The following STEAP1B variants were observed in gnomAD, a reference collection of about 807,000 sequenced individuals.
The protein encoded by STEAP1B is STEAP family member 1B.
Under a neutral mutation model 27.9 loss-of-function variants are expected in STEAP1B, and 13 were observed. That is an observed-to-expected ratio of 0.47 (90% confidence interval 0.30 to 0.74). STEAP1B has a LOEUF of 0.74. STEAP1B is among the 30% of genes least tolerant of loss of function. STEAP1B has a pLI of 0.06. For missense variants in STEAP1B, 250 were observed against 298.7 expected (o/e 0.84, Z 1.20); for synonymous variants, 86 against 107.1 (o/e 0.80, Z 1.22).
chr7:22,438,046 A>C (rs1785276623), intron 4 of STEAP1B, among the ~76,000 whole-genome samples: 1 of 152,082 alleles, frequency 6.6e-6, no homozygotes, highest in Non-Finnish European at 1.5e-5. Flanking sequence ...ACTTTCTTCC[A>C]TTCCATAGGT....
chr7:22,484,668 T>G (rs1000917681), intron 4 of STEAP1B, among the ~76,000 whole-genome samples: 7 of 152,206 alleles, frequency 4.6e-5, no homozygotes, highest in African/African-American at 1.7e-4. Context: ...TGAAGTATAT[T>G]TTATAAGGCC....
At chr7:22,441,280 T>C (rs949108483) in intron 4 of STEAP1B, among the ~76,000 whole-genome samples, 4 of 152,178 alleles carry the variant, frequency 2.6e-5, no homozygotes, top group Non-Finnish European at 5.9e-5. Flanking sequence ...TGTGTCAGAT[T>C]GTTTATGCAT....
At chr7:22,439,075 C>A (rs568567465) in intron 4 of STEAP1B, among the ~76,000 whole-genome samples, 1 of 152,152 alleles carries the variant, frequency 6.6e-6, no homozygotes, top group Non-Finnish European at 1.5e-5. Context: ...CATGGGGGGT[C>A]CTGGTGATAT....
intron 3 of STEAP1B, among the ~76,000 whole-genome samples, 198 bp from the exon 4 acceptor site, chr7:22,492,927 C>T (rs1239902678): frequency 6.6e-6 from 1 of 151,872 alleles, no homozygotes; most frequent in African/African-American, 2.4e-5. Context: ...TTGAATGCAA[C>T]ATTTCCATAA....
intron 4 of STEAP1B, among the ~76,000 whole-genome samples, chr7:22,488,403 C>A (rs1477571525): frequency 6.6e-6 from 1 of 152,168 alleles, no homozygotes; most frequent in Non-Finnish European, 1.5e-5. Flanking sequence ...AGTCTATGAG[C>A]CAGAAGAAGG....
At chr7:22,464,471 G>T (rs1785737128) in intron 4 of STEAP1B, among the ~76,000 whole-genome samples, 1 of 152,150 alleles carries the variant, frequency 6.6e-6, no homozygotes, top group Non-Finnish European at 1.5e-5. Context: ...ACAATACAAG[G>T]TGTTAAGGGC....
intron 2 of STEAP1B, 66 bp downstream of exon 2, chr7:22,494,706 G>C (rs1288567125): frequency 2.6e-6 from 3 of 1,155,606 alleles, no homozygotes; most frequent in Non-Finnish European, 3.7e-6. Context: ...AGGAGATACA[G>C]AATGTCATCG....
At chr7:22,431,711 G>A (rs1785190126) in intron 4 of STEAP1B, among the ~76,000 whole-genome samples, 1 of 152,246 alleles carries the variant, frequency 6.6e-6, no homozygotes, top group Admixed American at 6.5e-5. Flanking sequence ...ACCAACAGAA[G>A]ATCAGAGGGT....
intron 4 of STEAP1B, among the ~76,000 whole-genome samples, chr7:22,454,862 TATA>T (rs1256907326): frequency 0.016 from 916 of 57,648 alleles, 15 homozygotes; most frequent in African/African-American, 0.063. Flanking sequence ...TATATATATA[TATA>T]TTTTTTTTTT....
At chr7:22,492,343 A>G in intron 4 of STEAP1B, 1 of 297,548 alleles carries the variant, frequency 3.4e-6, no homozygotes, top group Non-Finnish European at 5.1e-6. Flanking sequence ...AAAAAAAAAA[A>G]AAAAGGATAT....
chr7:22,452,847 T>G (rs780145786), intron 4 of STEAP1B, among the ~76,000 whole-genome samples: 32 of 152,222 alleles, frequency 2.1e-4, no homozygotes, highest in Non-Finnish European at 4.4e-4. Flanking sequence ...CCAGGATTTC[T>G]AAGGTGAGAA....
chr7:22,452,367 C>G (rs891650579), intron 4 of STEAP1B, among the ~76,000 whole-genome samples: 3 of 152,114 alleles, frequency 2.0e-5, no homozygotes, highest in African/African-American at 7.2e-5. Context: ...AGTGACCCCT[C>G]CCTTCCTTTC....
At chr7:22,461,698 A>C (rs1278093139) in intron 4 of STEAP1B, among the ~76,000 whole-genome samples, 4 of 152,100 alleles carry the variant, frequency 2.6e-5, no homozygotes, top group Non-Finnish European at 5.9e-5. Flanking sequence ...TCTCTTTTCC[A>C]CTGTCTCTCT....
intron 4 of STEAP1B, among the ~76,000 whole-genome samples, chr7:22,454,593 G>C (rs1785541666): frequency 6.6e-6 from 1 of 152,048 alleles, no homozygotes; most frequent in Non-Finnish European, 1.5e-5. Flanking sequence ...AAGTGCTACA[G>C]GAGCTGGCTG....
At chr7:22,430,567 G>A (rs142662843) in intron 4 of STEAP1B, among the ~76,000 whole-genome samples, 7 of 152,226 alleles carry the variant, frequency 4.6e-5, no homozygotes, top group African/African-American at 9.6e-5. Context: ...CATCTTTTTC[G>A]CTCCACCCTG....
intron 4 of STEAP1B, among the ~76,000 whole-genome samples, chr7:22,489,647 T>C (rs1008790015): frequency 2.0e-5 from 3 of 152,130 alleles, no homozygotes; most frequent in African/African-American, 4.8e-5. Flanking sequence ...TGGGGCTGCA[T>C]TGCATCTAGG....
chr7:22,432,886 C>T (rs556860585), intron 4 of STEAP1B, among the ~76,000 whole-genome samples: 6 of 152,310 alleles, frequency 3.9e-5, no homozygotes, highest in African/African-American at 1.4e-4. Flanking sequence ...ACAATAGCAG[C>T]CTCGTCTCTT....
intron 1 of STEAP1B, among the ~76,000 whole-genome samples, chr7:22,498,739 T>C (rs1328468439): frequency 6.6e-6 from 1 of 152,176 alleles, no homozygotes; most frequent in Non-Finnish European, 1.5e-5. Context: ...AGGAAAAGGC[T>C]CAGCGCTGTC....
intron 4 of STEAP1B, among the ~76,000 whole-genome samples, chr7:22,450,171 TGTGCTTGTGGAGTATTACTCAA>T (rs1785464835): frequency 6.6e-6 from 1 of 152,204 alleles, no homozygotes; most frequent in African/African-American, 2.4e-5. Context: ...TTTGGTTGCC[TGTGCTTGTGGAGTATTACTCAA>T]GTGCTTGTGG....
Sources: gnomAD v4.1 joint callset for allele counts (sites outside exome capture counted in the v4.1 genomes callset) on GRCh38, gnomAD v4.1.1 for gene constraint, MANE v1.5 for transcripts, NCBI Gene and HGNC (gene_info 2026-07-23, HGNC 2026-07-21) for gene names.